The following RORA variants were observed in gnomAD, a reference collection of about 807,000 sequenced individuals.
The protein encoded by RORA is nuclear receptor ROR-alpha.
In RORA, 7 loss-of-function variants were observed where a neutral mutation model predicts 69.5. The observed-to-expected ratio is 0.10, with a 90% CI of 0.06 to 0.19. RORA has a LOEUF of 0.19. Ranked by LOEUF, RORA falls within the 10% of genes least tolerant of loss-of-function variation. RORA has a pLI of 1.00. For synonymous variants in RORA, 261 were observed against 240.8 expected, an observed-to-expected ratio of 1.08 and a Z score of -0.78; for missense variants, 457 against 663.0, an observed-to-expected ratio of 0.69 and a Z score of 3.41.
chr15:60,806,338 G>A (rs1326578084), intron 1 of RORA, among the ~76,000 whole-genome samples: 1 of 152,186 alleles, frequency 6.6e-6, no homozygotes, highest in Non-Finnish European at 1.5e-5. Flanking sequence ...GTTTTTCTCT[G>A]TATTAAGGTG....
At chr15:61,040,822 T>A (rs1294278996) in intron 1 of RORA, among the ~76,000 whole-genome samples, 1 of 152,234 alleles carries the variant, frequency 6.6e-6, no homozygotes, top group Non-Finnish European at 1.5e-5. Flanking sequence ...TTTATAGTCA[T>A]AATCAATAAT....
At chr15:60,617,380 A>C (rs1234880487) in intron 2 of RORA, among the ~76,000 whole-genome samples, 1 of 152,152 alleles carries the variant, frequency 6.6e-6, no homozygotes, top group Admixed American at 6.5e-5. Flanking sequence ...TTACCACAGA[A>C]ACACAGGAGC....
chr15:61,028,721 G>T (rs1354628244), intron 1 of RORA, among the ~76,000 whole-genome samples: 3 of 152,192 alleles, frequency 2.0e-5, no homozygotes, highest in African/African-American at 7.2e-5. Context: ...ATATTTAAAG[G>T]CTGGCCCAAA....
intron 1 of RORA, among the ~76,000 whole-genome samples, chr15:61,064,383 C>T (rs534805785): frequency 2.0e-5 from 3 of 152,304 alleles, no homozygotes; most frequent in Non-Finnish European, 4.4e-5. Context: ...TACAAAGGCA[C>T]ATTTACATGA....
chr15:60,926,530 C>G (rs1480484183), intron 1 of RORA, among the ~76,000 whole-genome samples: 2 of 152,254 alleles, frequency 1.3e-5, no homozygotes, highest in Non-Finnish European at 2.9e-5. Flanking sequence ...CACAGTGGTA[C>G]ATCTTCTCAG....
intron 2 of RORA, among the ~76,000 whole-genome samples, chr15:60,646,264 C>T (rs921593181): frequency 6.6e-6 from 1 of 152,206 alleles, no homozygotes; most frequent in African/African-American, 2.4e-5. Flanking sequence ...TTCCTTGCTT[C>T]CAACTCGCAA....
Position 60,987,430 on chromosome 15 carries a change from G to A in RORA, c.166+241623C>T, listed in dbSNP as rs1297977420. ...GGACTTCGAGGTTGACCAGATCTGAGATGGGCAAACAACCTCTCTGAATCA... is the reference window on the plus strand; with the variant it reads ...GGACTTCGAGGTTGACCAGATCTGAAATGGGCAAACAACCTCTCTGAATCA... On this transcript the variant is annotated intron_variant, in intron 1 of 10. Transcript: ENST00000335670. Among the ~76,000 whole-genome samples the A allele has an allele frequency of 2.0e-5, 3 of 152,196 alleles. No individual in the cohort carries two copies. The East Asian group carries it at 5.8e-4, about 29-fold the overall frequency.
In RORA at chr15:61,152,498, T is replaced by G. The variant is rs536843943; in HGVS notation, c.166+76555A>C. Among the ~76,000 whole-genome samples, 4 of 150,378 alleles carry G rather than the reference T, an allele frequency of 2.7e-5. No individual in the cohort carries two copies. The East Asian group carries it at 7.8e-4, about 29-fold the overall frequency. On this transcript the variant is annotated intron_variant, in intron 1 of 10. Coordinates refer to ENST00000335670, the MANE Select transcript of RORA (RefSeq NM_134261.3). ...ACATAATCATATATATTATAAAATATTATATGTAAATATTATATTGTTAAA... is the reference window on the plus strand; with the variant it reads ...ACATAATCATATATATTATAAAATAGTATATGTAAATATTATATTGTTAAA...
intron 1 of RORA, among the ~76,000 whole-genome samples, chr15:61,075,500 G>A (rs1172415043): frequency 2.0e-5 from 3 of 152,158 alleles, no homozygotes; most frequent in African/African-American, 7.2e-5. Flanking sequence ...CTTCTCATTG[G>A]TAGGGCACCT....
At position 60,511,260 on chromosome 15, in the gene RORA, G is replaced by A. The variant is rs2095781326; in HGVS notation, c.786C>T (p.Gly262=). 6.2e-7 allele frequency: 1 copy of A among 1,613,994 alleles called. No homozygotes were observed. The highest frequency in any genetic ancestry group is 8.5e-7 in the Non-Finnish European group (1 of 1,179,902). ...CCATGGACACAGTTGGGGAAGTCTC[G>A]CCGTTGGTGAACGAACAGTAGGGAA... ...GFFPYCSFTN[G]ETSPTVSMAE... is the part of the protein sequence containing the mutation. The change falls in exon 5 of 11, where the codon GGC becomes GGT. Residue 262 remains glycine, a synonymous_variant. Coordinates refer to ENST00000335670, the MANE Select transcript of RORA (RefSeq NM_134261.3). This position sits in a 1 kb window ranked among gnomAD's most constrained non-coding sequence, Gnocchi z 6.4.
At chr15:61,076,405 C>CAAA (rs5813067) in intron 1 of RORA, among the ~76,000 whole-genome samples, 2 of 142,010 alleles carry the variant, frequency 1.4e-5, no homozygotes, top group African/African-American at 2.6e-5. Flanking sequence ...TTGATCATCT[C>CAAA]AAAAAAAAAA....
At chr15:60,767,810 C>T (rs184777632) in intron 1 of RORA, among the ~76,000 whole-genome samples, 1 of 152,156 alleles carries the variant, frequency 6.6e-6, no homozygotes, top group African/African-American at 2.4e-5. Flanking sequence ...TTTCATGACC[C>T]CTGGGTCAGT....
intron 1 of RORA, among the ~76,000 whole-genome samples, chr15:60,877,994 G>C (rs183268266): frequency 1.5e-4 from 23 of 152,054 alleles, no homozygotes; most frequent in Non-Finnish European, 2.4e-4. Context: ...CCACTGAAGT[G>C]AGTTTGGGCT....
At chr15:60,579,314 G>A (rs1261542588) in intron 2 of RORA, among the ~76,000 whole-genome samples, 1 of 152,098 alleles carries the variant, frequency 6.6e-6, no homozygotes, top group Non-Finnish European at 1.5e-5. Flanking sequence ...GGGGGTCCCT[G>A]GATCACACAT....
At chr15:60,624,328 A>G (rs1399615665) in intron 2 of RORA, among the ~76,000 whole-genome samples, 2 of 151,160 alleles carry the variant, frequency 1.3e-5, no homozygotes, top group African/African-American at 4.9e-5. Flanking sequence ...ATCTGATAGA[A>G]GAGACTAGCA....
intron 1 of RORA, among the ~76,000 whole-genome samples, chr15:61,207,101 C>A (rs1358557778): frequency 6.6e-6 from 1 of 151,654 alleles, no homozygotes; most frequent in Admixed American, 6.6e-5. Context: ...TATATGTATG[C>A]ATATAGACAC....
intron 1 of RORA, among the ~76,000 whole-genome samples, chr15:61,130,121 T>G (rs2079177947): frequency 6.6e-6 from 1 of 152,220 alleles, no homozygotes; most frequent in African/African-American, 2.4e-5. Flanking sequence ...AGACACCTCT[T>G]GGGTCATGAG....
intron 1 of RORA, among the ~76,000 whole-genome samples, chr15:60,715,565 T>C (rs1267173942): frequency 6.6e-6 from 1 of 152,192 alleles, no homozygotes; most frequent in Non-Finnish European, 1.5e-5. Context: ...AAGGTTTGCA[T>C]TCACAAAAAT....
rs2064988831 is a variant in RORA at position 60,488,528 on chromosome 15, CAATA to C, written c.*8923_*8926del. 6.6e-6 allele frequency: 1 copy of C among 151,176 alleles called. No homozygotes were observed. Among genetic ancestry groups the C allele is most frequent in the Non-Finnish European group, 1.5e-5 (1 of 67,900 alleles). 9.4% of individuals were successfully genotyped at this position (151,176 alleles called of 1,614,324 possible). A position where few individuals can be genotyped will look rare whatever the true frequency, so the allele number is the denominator to read the frequency against. ...ATATTTTTTTTTTAAATTCAGGACT[CAATA>C]AAATAAACAGCTGGAAATAAGCAGA... On this transcript the variant is annotated 3_prime_UTR_variant, in exon 11 of 11. Transcript: ENST00000335670.
Sources: allele counts gnomAD v4.1 joint callset (sites outside exome capture counted in the v4.1 genomes callset), GRCh38; gene constraint gnomAD v4.1.1; non-coding constraint Gnocchi (gnomAD v3.1); transcripts MANE v1.5; gene names NCBI Gene and HGNC (gene_info 2026-07-23, HGNC 2026-07-21).